The following STXBP5L variants were observed in gnomAD, a reference collection of about 807,000 sequenced individuals.
STXBP5L encodes syntaxin-binding protein 5-like.
STXBP5L carries 65 observed loss-of-function variants against 144.5 expected under a neutral mutation model. That is an observed-to-expected ratio of 0.45 (90% confidence interval 0.37 to 0.55). The LOEUF (loss-of-function observed/expected upper bound fraction) is 0.55. STXBP5L is among the 20% of genes least tolerant of loss of function. The pLI, the probability that STXBP5L is intolerant of heterozygous loss-of-function variation, is 0.00. For synonymous variants in STXBP5L, 505 were observed against 469.6 expected, an observed-to-expected ratio of 1.08 and a Z score of -0.97; for missense variants, 1,298 against 1,405.5, an observed-to-expected ratio of 0.92 and a Z score of 1.22.
At chr3:121,095,927 T>G (rs1301769038) in intron 5 of STXBP5L, among the ~76,000 whole-genome samples, 1 of 152,166 alleles carries the variant, frequency 6.6e-6, no homozygotes, top group Non-Finnish European at 1.5e-5. Flanking sequence ...TTATCTACCT[T>G]TGGTCTTCAA....
chr3:121,110,573 G>C (rs1034244954), intron 5 of STXBP5L, among the ~76,000 whole-genome samples: 1 of 152,176 alleles, frequency 6.6e-6, no homozygotes, highest in East Asian at 1.9e-4. Flanking sequence ...TTTTTGGCTT[G>C]TAGGGTTTCT....
intron 3 of STXBP5L, among the ~76,000 whole-genome samples, chr3:121,008,691 T>G (rs1225440600): frequency 6.6e-6 from 1 of 152,064 alleles, no homozygotes; most frequent in Non-Finnish European, 1.5e-5. Flanking sequence ...GCTTATGTGA[T>G]AATAGTACTA....
rs536157621 is a variant in STXBP5L, at chr3:121,029,151, A to G, written c.288-12549A>G. On this transcript the variant is annotated intron_variant, in intron 3 of 26. Coordinates refer to ENST00000471454, the MANE Select transcript of STXBP5L (RefSeq NM_001308330.2). ...TGCTATCCCCGTCAAGCTACCACTG[A>G]CTTTCTTCACAGAATTAGAAAATAC... Among the ~76,000 whole-genome samples the G allele has an allele frequency of 6.6e-5, 10 of 152,292 alleles. No individual in the cohort carries two copies. The South Asian group carries it at 1.0e-3, about 16-fold the overall frequency.
In STXBP5L at chr3:121,129,323, C is replaced by T. The variant is rs187374714; in HGVS notation, c.669+7619C>T. On this transcript the variant is annotated intron_variant, in intron 7 of 26. Coordinates refer to ENST00000471454, the MANE Select transcript of STXBP5L (RefSeq NM_001308330.2). ...AATATTGTAATCAGAAGCAATACAG[C>T]ATCTCTGAAGGAACTGCAGAGATTA... is the stretch of plus-strand genomic sequence containing the variant. 3.3e-3 allele frequency among the ~76,000 whole-genome samples: 500 copies of T among 151,816 alleles called. 3 individuals carry two copies. The highest frequency in any genetic ancestry group is 4.0e-3 in the Admixed American group (61 of 15,204).
chr3:121,230,624 T>G (rs935389237), intron 11 of STXBP5L, among the ~76,000 whole-genome samples: 1 of 152,078 alleles, frequency 6.6e-6, no homozygotes, highest in Non-Finnish European at 1.5e-5. Context: ...CTTATTTGCT[T>G]AATTTATGAA....
intron 9 of STXBP5L, among the ~76,000 whole-genome samples, chr3:121,170,713 C>A (rs1224617776): frequency 2.0e-5 from 3 of 152,046 alleles, no homozygotes; most frequent in African/African-American, 2.4e-5. Flanking sequence ...GCCTACCAAC[C>A]AAAAACAACC....
intron 14 of STXBP5L, among the ~76,000 whole-genome samples, chr3:121,244,257 G>A (rs1332324072): frequency 1.3e-5 from 2 of 151,788 alleles, no homozygotes; most frequent in African/African-American, 2.4e-5. Flanking sequence ...TGAAGTATAT[G>A]ATAATTGATT....
chr3:120,991,120 A>C (rs1322478216), intron 3 of STXBP5L, among the ~76,000 whole-genome samples: 5 of 152,170 alleles, frequency 3.3e-5, no homozygotes, highest in Admixed American at 6.5e-5. Context: ...CAATGAACTC[A>C]AACAAATTTA....
In STXBP5L at chr3:121,422,411, T is replaced by C. The variant is rs944893674; in HGVS notation, c.*3314T>C. ...TCCTTGGAAGATAAGGCCTTTTTAG[T>C]GTTACAGTAGAAAATGGGCCTTTTC... On this transcript the variant is annotated 3_prime_UTR_variant, in exon 27 of 27. Coordinates refer to ENST00000471454, the MANE Select transcript of STXBP5L (RefSeq NM_001308330.2). 2.0e-5 allele frequency: 3 copies of C among 152,148 alleles called. No individual in the cohort carries two copies. The highest frequency in any genetic ancestry group is 7.2e-5 in the African/African-American group (3 of 41,450). The allele number at this position is 152,148 out of a possible 1,614,324, so 9.4% of individuals were successfully genotyped here.
chr3:121,108,865 C>A (rs2043841268), intron 5 of STXBP5L, among the ~76,000 whole-genome samples: 1 of 152,032 alleles, frequency 6.6e-6, no homozygotes, highest in Non-Finnish European at 1.5e-5. Flanking sequence ...GGTTGGTAGG[C>A]TATTTACTAC....
At chr3:121,347,645 T>C (rs2045058046) in intron 20 of STXBP5L, among the ~76,000 whole-genome samples, 1 of 151,894 alleles carries the variant, frequency 6.6e-6, no homozygotes, top group Middle Eastern at 3.4e-3. Context: ...GAGCAGTCAT[T>C]TGTAGTTCTT....
At chr3:121,019,905 T>C (rs2108204515) in intron 3 of STXBP5L, among the ~76,000 whole-genome samples, 1 of 152,214 alleles carries the variant, frequency 6.6e-6, no homozygotes, top group Non-Finnish European at 1.5e-5. Flanking sequence ...TCACCAGCAA[T>C]GGATCCAAAC....
At chr3:120,976,582 G>T (rs1576544035) in intron 3 of STXBP5L, among the ~76,000 whole-genome samples, 1 of 151,930 alleles carries the variant, frequency 6.6e-6, no homozygotes, top group East Asian at 1.9e-4. Flanking sequence ...CTTGCCTTCT[G>T]CTAGCTTTTG....
rs201183031 is a variant in STXBP5L at position 121,216,051 on chromosome 3, ATCT to A, written c.957-6945_957-6943del. ...ATGTTTTTCAGCTCCAAGGTCATTTATCTTCTTCTCTAAACTGGTTATTCTAGT... is the reference window on the plus strand; with the variant it reads ...ATGTTTTTCAGCTCCAAGGTCATTTATCTTCTCTAAACTGGTTATTCTAGT... On this transcript the variant is annotated intron_variant, in intron 10 of 26. Transcript: ENST00000471454. Among the ~76,000 whole-genome samples the A allele has an allele frequency of 8.8e-3, 1,340 of 152,168 alleles. 45 individuals carry two copies. The highest frequency in any genetic ancestry group is 0.064 in the East Asian group (330 of 5,182).
chr3:121,169,128 C>G (rs772124207), intron 9 of STXBP5L, among the ~76,000 whole-genome samples: 1 of 152,206 alleles, frequency 6.6e-6, no homozygotes, highest in African/African-American at 2.4e-5. Flanking sequence ...CACTTACAGA[C>G]AAGCAAATGC....
chr3:121,161,112 C>G (rs1038481649), intron 9 of STXBP5L, among the ~76,000 whole-genome samples: 1 of 151,850 alleles, frequency 6.6e-6, no homozygotes, highest in Non-Finnish European at 1.5e-5. Flanking sequence ...ATTTTCTTTG[C>G]TATTTATCAT....
At chr3:121,106,952 G>A (rs1160099449) in intron 5 of STXBP5L, among the ~76,000 whole-genome samples, 1 of 152,070 alleles carries the variant, frequency 6.6e-6, no homozygotes, top group Non-Finnish European at 1.5e-5. Flanking sequence ...GAAGTGAGAT[G>A]GTATTACATT....
chr3:121,077,350 G>A (rs1212931217), intron 5 of STXBP5L, among the ~76,000 whole-genome samples: 1 of 152,190 alleles, frequency 6.6e-6, no homozygotes, highest in Non-Finnish European at 1.5e-5. Context: ...CATGGTGAGT[G>A]TTAACAGTTC....
intron 22 of STXBP5L, among the ~76,000 whole-genome samples, chr3:121,389,476 T>A (rs888535720): frequency 6.6e-6 from 1 of 152,230 alleles, no homozygotes; most frequent in African/African-American, 2.4e-5. Context: ...ATTGTGATGT[T>A]AGGGTGTCGA....
Sources: gnomAD v4.1 joint callset for allele counts (sites outside exome capture counted in the v4.1 genomes callset) on GRCh38, gnomAD v4.1.1 for gene constraint, MANE v1.5 for transcripts, NCBI Gene and HGNC (gene_info 2026-07-23, HGNC 2026-07-21) for gene names.